IDE: variants seen among roughly 807,000 people sequenced by gnomAD.
IDE encodes insulin degrading enzyme.
A neutral mutation model predicts 133.2 loss-of-function variants in IDE; 58 were observed. That is an observed-to-expected ratio of 0.44 (90% CI 0.35 to 0.54). The LOEUF is 0.54. Ranked by LOEUF, IDE falls within the 20% of genes least tolerant of loss-of-function variation. IDE has a pLI of 0.00. For missense variants in IDE, 981 were observed against 1,234.0 expected, an observed-to-expected ratio of 0.79 and a Z score of 3.07; for synonymous variants, 396 against 421.3, an observed-to-expected ratio of 0.94 and a Z score of 0.73.
In IDE at chr10:92,479,387, T is replaced by C. The variant is rs766520156; in HGVS notation, c.1774A>G (p.Met592Val). ...AGGAGCTCAAGGTACAAATAGGCCA[T>C]GTTACAGTGCAAGGGGTCCACATAA... ...FAYVDPLHCN[M>V]AYLYLELLKD... Residue 592 changes from methionine to valine, a missense_variant, in exon 15 of 25, where the codon ATG (methionine) becomes GTG (valine). Met to Val is a conservative substitution (Grantham distance 21). Coordinates refer to ENST00000265986, the MANE Select transcript of IDE (RefSeq NM_004969.4). 9 of 1,613,300 alleles carry C rather than the reference T, an allele frequency of 5.6e-6. No homozygotes were observed. The highest frequency in any genetic ancestry group is 7.6e-6 in the Non-Finnish European group (9 of 1,179,290).
chr10:92,489,367 T>C (rs930968260), intron 12 of IDE, among the ~76,000 whole-genome samples: 2 of 152,054 alleles, frequency 1.3e-5, no homozygotes, highest in Non-Finnish European at 2.9e-5. Flanking sequence ...CTGGCCAACA[T>C]GGTGAAACCC....
intron 11 of IDE, among the ~76,000 whole-genome samples, chr10:92,504,571 TTAGGGTGGAAGG>T (rs1003661110): frequency 6.6e-6 from 1 of 152,148 alleles, no homozygotes; most frequent in African/African-American, 2.4e-5. Context: ...TCAAAATAAT[TTAGGGTGGAAGG>T]GGGATGACTG....
chr10:92,490,834 G>T (rs768826285), intron 11 of IDE, among the ~76,000 whole-genome samples: 1 of 152,126 alleles, frequency 6.6e-6, no homozygotes, highest in Non-Finnish European at 1.5e-5. Flanking sequence ...GTGCTCGCAG[G>T]AGAGATTCCT....
chr10:92,573,984 T>C lies in IDE; in HGVS notation c.36A>G (p.Ala12=), dbSNP rs1589571223. The C allele has an allele frequency of 6.6e-7, 1 of 1,509,154 alleles. No individual in the cohort carries two copies. Among genetic ancestry groups the C allele is most frequent in the Non-Finnish European group, 8.8e-7 (1 of 1,131,196 alleles). 93.5% of individuals were successfully genotyped at this position (1,509,154 alleles called of 1,614,324 possible). A position where few individuals can be genotyped will look rare whatever the true frequency, so the allele number is the denominator to read the frequency against. ...GGACTGAGCGGAAGGTGCTGGGCAG[T>C]GCGGGGTGCAGAAGCCACGCTAGCC... ...RYRLAWLLHP[A]LPSTFRSVLG... is the part of the protein sequence containing the mutation. The change falls in exon 1 of 25, where the codon GCA becomes GCG. Residue 12 remains alanine, a synonymous_variant. Coordinates refer to ENST00000265986, the MANE Select transcript of IDE (RefSeq NM_004969.4).
intron 14 of IDE, among the ~76,000 whole-genome samples, chr10:92,481,563 A>T (rs1589395663): frequency 6.6e-6 from 1 of 152,246 alleles, no homozygotes; most frequent in Non-Finnish European, 1.5e-5. Context: ...TGTTAATTTT[A>T]AAAATACGTT....
chr10:92,466,995 T>C (rs1845729019), intron 19 of IDE, among the ~76,000 whole-genome samples: 1 of 151,956 alleles, frequency 6.6e-6, no homozygotes, highest in African/African-American at 2.4e-5. Flanking sequence ...TACTCCAGCC[T>C]GGGTGACAGA....
chr10:92,553,153 G>A (rs1426557949), intron 1 of IDE, among the ~76,000 whole-genome samples: 1 of 151,966 alleles, frequency 6.6e-6, no homozygotes, highest in Non-Finnish European at 1.5e-5. Flanking sequence ...GCTGGGCATG[G>A]TGGCTCACAC....
chr10:92,517,092 T>C (rs946276221), intron 4 of IDE, among the ~76,000 whole-genome samples: 3 of 152,214 alleles, frequency 2.0e-5, no homozygotes, highest in Non-Finnish European at 4.4e-5. Context: ...GAGTATGTTC[T>C]TGAAGTGGTT....
chr10:92,508,229 TA>T, intron 7 of IDE, 24 bp from the exon 8 acceptor site: 1 of 1,566,008 alleles, frequency 6.4e-7, no homozygotes, highest in Non-Finnish European at 8.8e-7. Context: ...AGGAAATCAA[TA>T]CGATTGATTG....
In IDE at chr10:92,469,137, A is replaced by G. The variant is rs139405728; in HGVS notation, c.2209-147T>C. 583 of 601,030 alleles carry G rather than the reference A, an allele frequency of 9.7e-4. 5 individuals carry two copies. The highest frequency in any genetic ancestry group is 9.4e-3 in the African/African-American group (508 of 54,230). 37.2% of individuals were successfully genotyped at this position (601,030 alleles called of 1,614,324 possible). On this transcript the variant is annotated intron_variant, in intron 18 of 24. Coordinates refer to ENST00000265986, the MANE Select transcript of IDE (RefSeq NM_004969.4). ...CAAATGGATAAAAATTGAATTTGTCAGTATGGTCATTTTGCAATAGAGTCA... is the reference window on the plus strand; with the variant it reads ...CAAATGGATAAAAATTGAATTTGTCGGTATGGTCATTTTGCAATAGAGTCA...
intron 1 of IDE, among the ~76,000 whole-genome samples, chr10:92,572,470 G>T (rs1028410989): frequency 6.6e-6 from 1 of 152,106 alleles, no homozygotes; most frequent in Non-Finnish European, 1.5e-5. Context: ...CCTAATACAG[G>T]CAGTAAAGAC....
At chr10:92,556,179 CAAAAAAAA>C (rs60008680) in intron 1 of IDE, among the ~76,000 whole-genome samples, 7 of 69,208 alleles carry the variant, frequency 1.0e-4, no homozygotes, top group South Asian at 6.8e-4. Flanking sequence ...GACTCCGTCT[CAAAAAAAA>C]AAAAAAAAAA....
At position 92,508,212 on chromosome 10, in the gene IDE, C is replaced by G; in HGVS notation, c.1061-7G>C. 1 of 1,607,012 alleles carries G rather than the reference C, an allele frequency of 6.2e-7. No homozygotes were observed. The highest frequency in any genetic ancestry group is 8.5e-7 in the Non-Finnish European group (1 of 1,176,638). On this transcript the variant is annotated splice_region_variant and splice_polypyrimidine_tract_variant and intron_variant, in intron 7 of 24. Coordinates refer to ENST00000265986, the MANE Select transcript of IDE (RefSeq NM_004969.4). ...ACAAGAGTATTAACCCAGCCTGCAA[C>G]ATTCAAAGGAAATCAATACGATTGA...
chr10:92,515,560 CTTT>C (rs770666032), intron 4 of IDE, among the ~76,000 whole-genome samples: 5 of 106,718 alleles, frequency 4.7e-5, no homozygotes, highest in Admixed American at 2.1e-4. Flanking sequence ...CGCACCCGGC[CTTT>C]TTTTTTTTTT....
At chr10:92,521,076 T>C (rs1465666629) in intron 4 of IDE, among the ~76,000 whole-genome samples, 1 of 152,178 alleles carries the variant, frequency 6.6e-6, no homozygotes, top group African/African-American at 2.4e-5. Context: ...TATCCTGCCT[T>C]TCCCACAGTA....
At chr10:92,460,647 A>G (rs1302753595) in intron 22 of IDE, among the ~76,000 whole-genome samples, 2 of 152,246 alleles carry the variant, frequency 1.3e-5, no homozygotes, top group African/African-American at 4.8e-5. Context: ...TGTGGGCTGT[A>G]CATGGCCCGC....
At chr10:92,459,992 G>A (rs980389877) in intron 22 of IDE, among the ~76,000 whole-genome samples, 1 of 151,942 alleles carries the variant, frequency 6.6e-6, no homozygotes, top group Admixed American at 6.6e-5. Context: ...ACCATGCCCA[G>A]CTAATTTTTT....
At position 92,574,030 on chromosome 10, in the gene IDE, A is replaced by T; in HGVS notation, c.-11T>A. The T allele has an allele frequency of 2.0e-6, 3 of 1,508,508 alleles. No individual in the cohort carries two copies. The highest frequency in any genetic ancestry group is 2.7e-6 in the Non-Finnish European group (3 of 1,130,640). The allele number at this position is 1,508,508 out of a possible 1,614,324, so 93.4% of individuals were successfully genotyped here. A position where few individuals can be genotyped will look rare whatever the true frequency, so the allele number is the denominator to read the frequency against. ...TAGCCGGTACCGCATTAGCCAGCGC[A>T]GTCGCCGGGATCACCGCAAACGCTT... On this transcript the variant is annotated 5_prime_UTR_variant, in exon 1 of 25. Coordinates refer to ENST00000265986, the MANE Select transcript of IDE (RefSeq NM_004969.4).
chr10:92,570,250 G>C (rs1410071701), intron 1 of IDE, among the ~76,000 whole-genome samples: 1 of 152,128 alleles, frequency 6.6e-6, no homozygotes, highest in East Asian at 1.9e-4. Context: ...AAAATTAATT[G>C]AAAGAAACAA....
Sources: gnomAD v4.1 joint callset for allele counts (sites outside exome capture counted in the v4.1 genomes callset) on GRCh38, gnomAD v4.1.1 for gene constraint, MANE v1.5 for transcripts, NCBI Gene and HGNC (gene_info 2026-07-23, HGNC 2026-07-21) for gene names.